COPS2: variants seen among roughly 807,000 people sequenced by gnomAD.
COPS2 encodes COP9 signalosome subunit 2, also known as COP9 signalosome complex subunit 2.
COPS2 carries 10 observed loss-of-function variants against 66.1 expected under a neutral mutation model. The observed-to-expected ratio is 0.15, with a 90% CI of 0.09 to 0.26. The LOEUF is 0.26. Ranked by LOEUF, COPS2 falls within the 10% of genes least tolerant of loss-of-function variation. The pLI is 1.00. For missense variants in COPS2, 215 were observed against 513.3 expected (o/e 0.42, Z 5.62); for synonymous variants, 179 against 171.3 (o/e 1.04, Z -0.35).
intron 1 of COPS2, 130 bp from the exon 2 acceptor site, chr15:49,145,208 A>C (rs1256412398): frequency 8.1e-6 from 4 of 491,384 alleles, no homozygotes; most frequent in African/African-American, 6.0e-5. Context: ...TTGAATACAT[A>C]CGTAAAATGC....
chr15:49,149,813 T>C (rs934791914), intron 1 of COPS2, among the ~76,000 whole-genome samples: 4 of 152,194 alleles, frequency 2.6e-5, no homozygotes, highest in African/African-American at 9.7e-5. Context: ...CTGTACCATA[T>C]GTTGGCACAC....
chr15:49,133,027 C>T lies in COPS2; in HGVS notation c.947+732G>A, dbSNP rs191569981. 5.9e-3 allele frequency among the ~76,000 whole-genome samples: 817 copies of T among 139,080 alleles called. 6 individuals carry two copies. Among genetic ancestry groups the T allele is most frequent in the African/African-American group, 0.02 (773 of 37,712 alleles). 91.2% of individuals were successfully genotyped at this position (139,080 alleles called of 152,430 possible). A position where few individuals can be genotyped will look rare whatever the true frequency, so the allele number is the denominator to read the frequency against. On this transcript the variant is annotated intron_variant, in intron 9 of 12. Coordinates refer to ENST00000388901, the MANE Select transcript of COPS2 (RefSeq NM_004236.4). ...TTTTTGAGACGGAGTCTTGCTCTAT[C>T]GCCCAGGCTGGAGTTCTGTGGCGCA...
At position 49,134,912 on chromosome 15, in the gene COPS2, C is replaced by A. The variant is rs188087698; in HGVS notation, c.541-398G>T. 3.5e-4 allele frequency among the ~76,000 whole-genome samples: 53 copies of A among 152,236 alleles called. No homozygotes were observed. In the East Asian group the frequency reaches 9.8e-3, roughly 28 times the overall value. On this transcript the variant is annotated intron_variant, in intron 6 of 12. Transcript: ENST00000388901. ...TAAGCAAAACAATGTACAATGAAATCATTTTTTCCCCTCATCAATGTAGTG... is the reference window on the plus strand; with the variant it reads ...TAAGCAAAACAATGTACAATGAAATAATTTTTTCCCCTCATCAATGTAGTG...
At chr15:49,151,442 C>T (rs1595827211) in intron 1 of COPS2, among the ~76,000 whole-genome samples, 1 of 151,122 alleles carries the variant, frequency 6.6e-6, no homozygotes, top group Non-Finnish European at 1.5e-5. Context: ...TAATATCCTA[C>T]ATATAACAGG....
Position 49,130,707 on chromosome 15 carries a change from GA to G in COPS2, c.1045+11del. 1 of 1,500,860 alleles carries G rather than the reference GA, an allele frequency of 6.7e-7. No homozygotes were observed. Among genetic ancestry groups the G allele is most frequent in the Non-Finnish European group, 9.2e-7 (1 of 1,085,688 alleles). 93.0% of individuals were successfully genotyped at this position (1,500,860 alleles called of 1,614,324 possible). A position where few individuals can be genotyped will look rare whatever the true frequency, so the allele number is the denominator to read the frequency against. Reference sequence around the variant, plus strand: ...AGAAAGTAATAGAATCCAGTTGGCAGAAAGAACATACCTTCAATGTGTTCTC... The same window carrying G: ...AGAAAGTAATAGAATCCAGTTGGCAGAAGAACATACCTTCAATGTGTTCTC... On this transcript the variant is annotated intron_variant, in intron 10 of 12. Coordinates refer to ENST00000388901, the MANE Select transcript of COPS2 (RefSeq NM_004236.4).
intron 3 of COPS2, among the ~76,000 whole-genome samples, chr15:49,143,854 C>T (rs1380927463): frequency 6.6e-6 from 1 of 152,014 alleles, no homozygotes; most frequent in Non-Finnish European, 1.5e-5. Context: ...GGCATGGTGG[C>T]ATGTGCCTGT....
At chr15:49,130,374 TTTG>T (rs1292571318) in intron 10 of COPS2, among the ~76,000 whole-genome samples, 7 of 152,146 alleles carry the variant, frequency 4.6e-5, no homozygotes. Context: ...TTTCATAACT[TTTG>T]TTATTTGTCA....
intron 1 of COPS2, among the ~76,000 whole-genome samples, chr15:49,146,708 C>T (rs1206094051): frequency 1.3e-5 from 2 of 152,156 alleles, no homozygotes; most frequent in Admixed American, 1.3e-4. Context: ...TTTCATCTCT[C>T]CACAAACTTT....
At chr15:49,154,663 C>T (rs1209099660) in intron 1 of COPS2, among the ~76,000 whole-genome samples, 1 of 152,188 alleles carries the variant, frequency 6.6e-6, no homozygotes, top group East Asian at 1.9e-4. Flanking sequence ...AGATAATTTT[C>T]TGAGTTTCCA....
chr15:49,125,443 T>C lies in COPS2; in HGVS notation c.*2507A>G, dbSNP rs1329021512. On this transcript the variant is annotated 3_prime_UTR_variant, in exon 13 of 13. Coordinates refer to ENST00000388901, the MANE Select transcript of COPS2 (RefSeq NM_004236.4). ...TAAAAAGAAGAATGAGATGAACACA[T>C]TACAATATGATGTAAACCACTGGTA... The C allele has an allele frequency of 1.3e-5, 2 of 152,034 alleles. No homozygotes were observed. The highest frequency in any genetic ancestry group is 2.9e-5 in the Non-Finnish European group (2 of 67,940). The allele number at this position is 152,034 out of a possible 1,614,324, so 9.4% of individuals were successfully genotyped here.
At chr15:49,147,682 T>C (rs1362293869) in intron 1 of COPS2, among the ~76,000 whole-genome samples, 1 of 129,874 alleles carries the variant, frequency 7.7e-6, no homozygotes, top group Non-Finnish European at 1.5e-5. Context: ...TGGGACCTGA[T>C]AGATTTCAGA....
chr15:49,133,794 A>C lies in COPS2; in HGVS notation c.912T>G (p.Asn304Lys). 5.0e-6 allele frequency: 8 copies of C among 1,602,766 alleles called. No homozygotes were observed. The highest frequency in any genetic ancestry group is 6.8e-6 in the Non-Finnish European group (8 of 1,176,232). The change falls in exon 9 of 13, where the codon AAT becomes AAG. Residue 304 changes from asparagine (N) to lysine (K), a missense_variant. Physicochemically the swap from Asn to Lys is moderately conservative, Grantham distance 94. Coordinates refer to ENST00000388901, the MANE Select transcript of COPS2 (RefSeq NM_004236.4). ...FDSQEAKPYKNDPEILAMTNL... is the reference protein window; with the variant it reads ...FDSQEAKPYKKDPEILAMTNL... ...TCGTCATTGCTAAAATTTCTGGATC[A>C]TTTTTGTACGGCTTGGCCTAAACAC...
intron 3 of COPS2, among the ~76,000 whole-genome samples, chr15:49,140,358 G>A (rs1404158903): frequency 6.6e-6 from 1 of 152,014 alleles, no homozygotes; most frequent in African/African-American, 2.4e-5. Context: ...ATTCTTCCCT[G>A]TAATTTTATC....
rs547818039 is a variant in COPS2, at chr15:49,123,031, C to T, written c.*4919G>A. On this transcript the variant is annotated 3_prime_UTR_variant, in exon 13 of 13. Coordinates refer to ENST00000388901, the MANE Select transcript of COPS2 (RefSeq NM_004236.4). ...TGTAACACATTGCAAAACCAAACAA[C>T]TTTCTATTTTCCATGTCATTGCTCC... The T allele has an allele frequency of 5.9e-5, 9 of 152,264 alleles. 1 individual carries two copies. Among genetic ancestry groups the T allele is most frequent in the African/African-American group, 2.2e-4 (9 of 41,562 alleles). 9.4% of individuals were successfully genotyped at this position (152,264 alleles called of 1,614,324 possible).
At chr15:49,129,769 T>C (rs1207757661) in intron 10 of COPS2, among the ~76,000 whole-genome samples, 1 of 152,138 alleles carries the variant, frequency 6.6e-6, no homozygotes, top group East Asian at 1.9e-4. Context: ...ACCTCCTTGA[T>C]TTTGTTGACA....
At chr15:49,155,463 C>G in intron 1 of COPS2, 62 bp downstream of exon 1, 1 of 1,549,140 alleles carries the variant, frequency 6.5e-7, no homozygotes, top group South Asian at 1.1e-5. Context: ...GCGGGCGCCC[C>G]GGCCCGGACC....
chr15:49,150,480 T>C (rs1183501580), intron 1 of COPS2, among the ~76,000 whole-genome samples: 1 of 152,150 alleles, frequency 6.6e-6, no homozygotes, highest in African/African-American at 2.4e-5. Flanking sequence ...ATTAAAAGGA[T>C]GACAAATACG....
intron 3 of COPS2, among the ~76,000 whole-genome samples, chr15:49,140,665 T>C (rs2084284262): frequency 6.6e-6 from 1 of 152,194 alleles, no homozygotes; most frequent in South Asian, 2.1e-4. Flanking sequence ...TGTAAGTCAA[T>C]TTATAAGTCT....
At chr15:49,133,225 T>G (rs1189685607) in intron 9 of COPS2, among the ~76,000 whole-genome samples, 21 of 152,256 alleles carry the variant, frequency 1.4e-4, no homozygotes. Flanking sequence ...CCTGATCTTG[T>G]GATCCACCCG....
Sources: allele counts gnomAD v4.1 joint callset (sites outside exome capture counted in the v4.1 genomes callset), GRCh38; gene constraint gnomAD v4.1.1; transcripts MANE v1.5; gene names NCBI Gene and HGNC (gene_info 2026-07-23, HGNC 2026-07-21).